SEL1L2: variants seen among roughly 807,000 people sequenced by gnomAD.
SEL1L2 encodes SEL1L2 adaptor subunit of SYVN1 ubiquitin ligase, also known as protein sel-1 homolog 2.
SEL1L2 carries 89 observed loss-of-function variants against 98.8 expected under a neutral mutation model. The ratio of observed to expected loss-of-function variants is 0.90; its 90% confidence interval spans 0.76 to 1.07. The LOEUF (loss-of-function observed/expected upper bound fraction) is 1.07. Among genes scored for constraint, SEL1L2 ranks in the 50% least tolerant of loss-of-function variants. SEL1L2 has a pLI of 0.00. For missense variants in SEL1L2, 788 were observed against 812.0 expected (o/e 0.97, Z 0.36); for synonymous variants, 262 against 278.5 (o/e 0.94, Z 0.59).
At chr20:13,943,045 G>T (rs1007057785) in intron 2 of SEL1L2, among the ~76,000 whole-genome samples, 1 of 152,060 alleles carries the variant, frequency 6.6e-6, no homozygotes, top group African/African-American at 2.4e-5. Flanking sequence ...TAAGTGAAAA[G>T]AATAATTATC....
chr20:13,901,109 CCT>C (rs2047658243), intron 5 of SEL1L2, among the ~76,000 whole-genome samples: 1 of 133,868 alleles, frequency 7.5e-6, no homozygotes, highest in Non-Finnish European at 1.5e-5. Context: ...CTTGCTCTGT[CCT>C]CCAGGCTGGA....
intron 3 of SEL1L2, among the ~76,000 whole-genome samples, chr20:13,926,154 A>C (rs1307162568): frequency 6.6e-6 from 1 of 152,144 alleles, no homozygotes; most frequent in African/African-American, 2.4e-5. Context: ...GTCTCTCCTA[A>C]AAATACAAAA....
chr20:13,864,587 T>G (rs771607473), intron 17 of SEL1L2, among the ~76,000 whole-genome samples: 3 of 152,202 alleles, frequency 2.0e-5, no homozygotes, highest in Non-Finnish European at 4.4e-5. Context: ...CTTATCCATG[T>G]GATGCCAGCA....
At chr20:13,916,479 A>C (rs1478381758) in intron 4 of SEL1L2, among the ~76,000 whole-genome samples, 1 of 152,150 alleles carries the variant, frequency 6.6e-6, no homozygotes, top group African/African-American at 2.4e-5. Context: ...CTATGAGCCC[A>C]TTAGAGTTCA....
At chr20:13,886,623 C>T (rs1481891264) in intron 8 of SEL1L2, among the ~76,000 whole-genome samples, 181 bp from the exon 9 acceptor site, 1 of 152,126 alleles carries the variant, frequency 6.6e-6, no homozygotes, top group Non-Finnish European at 1.5e-5. Flanking sequence ...TGCGGTTGCT[C>T]ATGTCTGTAA....
intron 18 of SEL1L2, among the ~76,000 whole-genome samples, chr20:13,854,515 C>A (rs1016842411): frequency 6.6e-6 from 1 of 151,994 alleles, no homozygotes; most frequent in Non-Finnish European, 1.5e-5. Flanking sequence ...ATTTTTAATT[C>A]TTTTCAAGTG....
chr20:13,929,173 T>C (rs1293132526), intron 3 of SEL1L2, among the ~76,000 whole-genome samples: 1 of 152,150 alleles, frequency 6.6e-6, no homozygotes, highest in Admixed American at 6.6e-5. Flanking sequence ...GCCTGCTCTT[T>C]AGATATGGGA....
In SEL1L2 at chr20:13,899,659, C is replaced by A. The variant is rs193119914; in HGVS notation, c.550-11147G>T. 1.3e-3 allele frequency among the ~76,000 whole-genome samples: 202 copies of A among 152,216 alleles called. 1 individual carries two copies. Among genetic ancestry groups the A allele is most frequent in the African/African-American group, 4.7e-3 (195 of 41,528 alleles). On this transcript the variant is annotated intron_variant, in intron 5 of 19. Transcript: ENST00000284951. The stretch of plus-strand genomic sequence containing the variant: ...GGGTGCCACCCTCATGGCTTAATCA[C>A]CTCCTGAAGGCCTCACCTATTAATA...
chr20:13,928,134 C>T (rs2048977191), intron 3 of SEL1L2: 1 of 152,354 alleles, frequency 6.6e-6, no homozygotes, highest in East Asian at 1.9e-4. Context: ...GTTTCACTAA[C>T]TTTTCAGTTT....
chr20:13,874,808 T>C (rs566997627), intron 12 of SEL1L2, among the ~76,000 whole-genome samples: 86 of 152,294 alleles, frequency 5.6e-4, no homozygotes, highest in African/African-American at 1.9e-3. Flanking sequence ...CTGAGAACAG[T>C]TGAAATGATT....
chr20:13,986,716 T>C (rs1043718279), intron 1 of SEL1L2, among the ~76,000 whole-genome samples: 1 of 152,264 alleles, frequency 6.6e-6, no homozygotes, highest in Non-Finnish European at 1.5e-5. Context: ...CTATAAATAT[T>C]TGTGTACAAA....
At chr20:13,870,897 T>C (rs2046156523) in intron 12 of SEL1L2, among the ~76,000 whole-genome samples, 1 of 119,136 alleles carries the variant, frequency 8.4e-6, no homozygotes, top group African/African-American at 3.3e-5. Context: ...CACTCCAGCC[T>C]GGGCGAAAGA....
intron 5 of SEL1L2, among the ~76,000 whole-genome samples, chr20:13,896,707 G>T (rs2047443051): frequency 6.6e-6 from 1 of 151,970 alleles, no homozygotes; most frequent in Non-Finnish European, 1.5e-5. Flanking sequence ...AACTAAAAAG[G>T]TAAAAGACTT....
intron 18 of SEL1L2, among the ~76,000 whole-genome samples, chr20:13,857,913 T>C (rs142710175): frequency 1.1e-4 from 17 of 152,314 alleles, no homozygotes; most frequent in African/African-American, 3.6e-4. Flanking sequence ...CTGAGGTGGA[T>C]AATGGGTGAG....
chr20:13,954,870 AG>A, intron 2 of SEL1L2, among the ~76,000 whole-genome samples: 1 of 152,310 alleles, frequency 6.6e-6, no homozygotes, highest in Non-Finnish European at 1.5e-5. Flanking sequence ...AGACAAACTG[AG>A]ATTTAGGTGA....
chr20:13,921,704 T>G (rs995851591), intron 3 of SEL1L2, among the ~76,000 whole-genome samples: 2 of 152,162 alleles, frequency 1.3e-5, no homozygotes, highest in Non-Finnish European at 2.9e-5. Context: ...AAATTTATTT[T>G]AAAGCAAAAA....
chr20:13,867,056 C>A (rs1296416732), intron 14 of SEL1L2, among the ~76,000 whole-genome samples: 1 of 152,028 alleles, frequency 6.6e-6, no homozygotes, highest in Non-Finnish European at 1.5e-5. Context: ...AATTTATATT[C>A]TTGAGCCATT....
chr20:13,972,741 G>A (rs1400417166), intron 1 of SEL1L2, among the ~76,000 whole-genome samples: 1 of 152,164 alleles, frequency 6.6e-6, no homozygotes, highest in Non-Finnish European at 1.5e-5. Flanking sequence ...TATACTCAGT[G>A]TGGCTAAAGA....
intron 3 of SEL1L2, among the ~76,000 whole-genome samples, chr20:13,920,171 T>A (rs947370567): frequency 2.8e-5 from 4 of 140,808 alleles, no homozygotes; most frequent in African/African-American, 1.1e-4. Context: ...GAAGTTACAG[T>A]GAGCTGAGAT....
Sources: gnomAD v4.1 joint callset for allele counts (sites outside exome capture counted in the v4.1 genomes callset) on GRCh38, gnomAD v4.1.1 for gene constraint, MANE v1.5 for transcripts, NCBI Gene and HGNC (gene_info 2026-07-23, HGNC 2026-07-21) for gene names.